The following SORCS2 variants were observed in gnomAD, a reference collection of about 807,000 sequenced individuals.
SORCS2 encodes the protein sortilin related VPS10 domain containing receptor 2, also known as VPS10 domain-containing receptor SorCS2.
A neutral mutation model predicts 141.6 loss-of-function variants in SORCS2; 100 were observed. That is an observed-to-expected ratio of 0.71 (90% CI 0.60 to 0.83). SORCS2 has a LOEUF of 0.83. Ranked by LOEUF, SORCS2 falls within the 40% of genes least tolerant of loss-of-function variation. SORCS2 has a pLI of 0.00. For synonymous variants in SORCS2, 789 were observed against 676.9 expected, an observed-to-expected ratio of 1.17 and a Z score of -2.57; for missense variants, 1,646 against 1,560.2, an observed-to-expected ratio of 1.05 and a Z score of -0.93.
intron 2 of SORCS2, among the ~76,000 whole-genome samples, chr4:7,470,749 C>A (rs1729927899): frequency 6.6e-6 from 1 of 152,220 alleles, no homozygotes; most frequent in Non-Finnish European, 1.5e-5. Context: ...TGGCCCCAGC[C>A]CCAGCCTGCA....
intron 1 of SORCS2, among the ~76,000 whole-genome samples, chr4:7,296,229 A>ACCCCTG (rs1236018951): frequency 1.3e-5 from 2 of 152,048 alleles, no homozygotes; most frequent in Non-Finnish European, 2.9e-5. Flanking sequence ...AACACCCGGA[A>ACCCCTG]CCCCTGCCCC....
At chr4:7,725,128 A>G in intron 19 of SORCS2, 26 bp from the exon 20 acceptor site, 1 of 1,609,706 alleles carries the variant, frequency 6.2e-7, no homozygotes. Context: ...ATATCATCTA[A>G]CCCTGGCCTT....
chr4:7,226,077 C>T (rs1000456884), intron 1 of SORCS2, among the ~76,000 whole-genome samples: 1 of 152,156 alleles, frequency 6.6e-6, no homozygotes, highest in Non-Finnish European at 1.5e-5. Flanking sequence ...AGGGTCTGGA[C>T]CCCCAAAGCA....
chr4:7,490,687 T>G (rs6820154), intron 2 of SORCS2, among the ~76,000 whole-genome samples: 19,436 of 152,048 alleles, frequency 0.13, 1,476 homozygotes, highest in East Asian at 0.25. Flanking sequence ...CCAGCAGGGG[T>G]ATCCAGTGAA....
intron 1 of SORCS2, among the ~76,000 whole-genome samples, chr4:7,387,830 G>GAGA (rs1479421299): frequency 2.1e-5 from 1 of 47,476 alleles, no homozygotes; most frequent in African/African-American, 1.3e-4. Flanking sequence ...AGATACACAT[G>GAGA]CACATACATA....
At chr4:7,545,242 C>T (rs1297648528) in intron 3 of SORCS2, among the ~76,000 whole-genome samples, 2 of 152,086 alleles carry the variant, frequency 1.3e-5, no homozygotes, top group Non-Finnish European at 2.9e-5. Flanking sequence ...TGGAGTTCCT[C>T]CCTCTTCTGA....
chr4:7,289,790 A>C lies in SORCS2; in HGVS notation c.480+96664A>C, dbSNP rs199507157. 4.6e-5 allele frequency among the ~76,000 whole-genome samples: 7 copies of C among 152,296 alleles called. No individual in the cohort carries two copies. In the East Asian group the frequency reaches 1.2e-3, roughly 25 times the overall value. On this transcript the variant is annotated intron_variant, in intron 1 of 26. Coordinates refer to ENST00000507866, the MANE Select transcript of SORCS2 (RefSeq NM_020777.3). ...GGACGTGGGTGAACAAACACAGGCTATTTGCACATCCCAAATAGAGACGGC... is the reference window on the plus strand; with the variant it reads ...GGACGTGGGTGAACAAACACAGGCTCTTTGCACATCCCAAATAGAGACGGC...
chr4:7,651,233 C>T (rs1721427488), intron 4 of SORCS2, among the ~76,000 whole-genome samples: 1 of 152,094 alleles, frequency 6.6e-6, no homozygotes, highest in Non-Finnish European at 1.5e-5. Context: ...TGTGGATAGG[C>T]TGCGTGTCAG....
chr4:7,265,139 C>G (rs578229176), intron 1 of SORCS2, among the ~76,000 whole-genome samples: 28 of 152,326 alleles, frequency 1.8e-4, no homozygotes, highest in African/African-American at 6.7e-4. Context: ...GGACCACAGA[C>G]TGGGTGGCTT....
At position 7,653,817 on chromosome 4, in the gene SORCS2, C is replaced by A. The variant is rs559026395; in HGVS notation, c.814-317C>A. On this transcript the variant is annotated intron_variant, in intron 4 of 26. Transcript: ENST00000507866. Reference sequence around the variant, plus strand: ...TCCTTCCTCCCAAACGCCCTTCCTCCCATCCTCACACAGGATTATAAAGTC... The same window carrying A: ...TCCTTCCTCCCAAACGCCCTTCCTCACATCCTCACACAGGATTATAAAGTC... 1.1e-3 allele frequency among the ~76,000 whole-genome samples: 168 copies of A among 152,366 alleles called. 1 individual carries two copies. The highest frequency in any genetic ancestry group is 3.8e-3 in the African/African-American group (159 of 41,584).
At chr4:7,479,229 C>CACACAGG (rs1252253650) in intron 2 of SORCS2, among the ~76,000 whole-genome samples, 2 of 151,902 alleles carry the variant, frequency 1.3e-5, no homozygotes, top group African/African-American at 4.8e-5. Context: ...TATGTGACCG[C>CACACAGG]ACACAGGACA....
Position 7,654,115 on chromosome 4 carries a change from T to C in SORCS2, c.814-19T>C, listed in dbSNP as rs772950941. On this transcript the variant is annotated intron_variant, in intron 4 of 26. Transcript: ENST00000507866. ...CTGACGTCCTGACCAAGCTTTTGTT[T>C]CTTTTTTCTGCCCTAAAGCTCTACG... 1.3e-6 allele frequency: 2 copies of C among 1,561,648 alleles called. No homozygotes were observed. Among genetic ancestry groups the C allele is most frequent in the South Asian group, 2.4e-5 (2 of 84,864 alleles).
intron 2 of SORCS2, among the ~76,000 whole-genome samples, chr4:7,446,542 C>T (rs1258284631): frequency 2.6e-5 from 4 of 152,212 alleles, no homozygotes; most frequent in African/African-American, 9.7e-5. Context: ...GGGGCTGCCT[C>T]TGCAGCTGGC....
At chr4:7,395,899 C>T (rs1010734186) in intron 1 of SORCS2, among the ~76,000 whole-genome samples, 1 of 152,178 alleles carries the variant, frequency 6.6e-6, no homozygotes, top group African/African-American at 2.4e-5. Flanking sequence ...GAGACAGAGC[C>T]CTGTCTCCAG....
chr4:7,472,000 C>G (rs1730006176), intron 2 of SORCS2, among the ~76,000 whole-genome samples: 1 of 152,264 alleles, frequency 6.6e-6, no homozygotes, highest in Admixed American at 6.5e-5. Flanking sequence ...GATTCAGCGG[C>G]ATCATTCCCT....
intron 4 of SORCS2, among the ~76,000 whole-genome samples, chr4:7,653,324 A>C (rs1222122766): frequency 6.6e-6 from 1 of 151,796 alleles, no homozygotes; most frequent in African/African-American, 2.4e-5. Flanking sequence ...GCTCACTGCA[A>C]CCTCCGCCTC....
At chr4:7,623,819 C>T (rs923756905) in intron 3 of SORCS2, among the ~76,000 whole-genome samples, 14 of 152,292 alleles carry the variant, frequency 9.2e-5, no homozygotes, top group African/African-American at 2.9e-4. Context: ...CCAAAGACAA[C>T]GAGGTTGTTC....
At chr4:7,689,670 G>T (rs878987183) in intron 11 of SORCS2, 82 bp downstream of exon 11, 1 of 1,329,808 alleles carries the variant, frequency 7.5e-7, no homozygotes, top group South Asian at 1.3e-5. Context: ...AAAAGGGATG[G>T]TCATGAGCCT....
In SORCS2 at chr4:7,718,153, G is replaced by T; in HGVS notation, c.2394G>T (p.Glu798Asp). Residue 798 changes from glutamate to aspartate, a missense_variant, in exon 18 of 27, where the codon GAG becomes GAT. Physicochemically the swap from Glu to Asp is conservative, Grantham distance 45. Transcript: ENST00000507866. The stretch of plus-strand genomic sequence containing the variant: ...AGGCGGTGGCCGTGCGGCCTGGAGA[G>T]GACGTCCTGTTTGTGGTGCGGCAGG... The part of the protein sequence containing the change: ...QGEAVAVRPG[E>D]DVLFVVRQEQ... 6.2e-7 allele frequency: 1 copy of T among 1,611,454 alleles called. No homozygotes were observed. Among genetic ancestry groups the T allele is most frequent in the Non-Finnish European group, 8.5e-7 (1 of 1,179,262 alleles).
Sources: allele counts gnomAD v4.1 joint callset (sites outside exome capture counted in the v4.1 genomes callset), GRCh38; gene constraint gnomAD v4.1.1; transcripts MANE v1.5; gene names NCBI Gene and HGNC (gene_info 2026-07-23, HGNC 2026-07-21).